The following ENOX1 variants were observed in gnomAD, a reference collection of about 807,000 sequenced individuals.
The protein encoded by ENOX1 is candidate growth-related and time keeping constitutive hydroquinone (NADH) oxidase.
In ENOX1, 42 loss-of-function variants were observed where a neutral mutation model predicts 82.5. The observed-to-expected ratio is 0.51, with a 90% CI of 0.40 to 0.66. The LOEUF (loss-of-function observed/expected upper bound fraction) is 0.66. ENOX1 is among the 30% of genes least tolerant of loss of function. The pLI is 0.00. For missense variants in ENOX1, 608 were observed against 811.6 expected (o/e 0.75, Z 3.05); for synonymous variants, 271 against 282.2 (o/e 0.96, Z 0.40).
chr13:43,666,019 G>A (rs770678890), intron 2 of ENOX1, among the ~76,000 whole-genome samples: 5 of 151,224 alleles, frequency 3.3e-5, no homozygotes, highest in Admixed American at 6.6e-5. Flanking sequence ...TTGCCAGTGC[G>A]TATAAAGTTA....
intron 14 of ENOX1, among the ~76,000 whole-genome samples, chr13:43,237,488 T>C (rs2042605893): frequency 6.6e-6 from 1 of 152,206 alleles, no homozygotes; most frequent in South Asian, 2.1e-4. Flanking sequence ...ATATATGGGA[T>C]AGTAGAATCA....
At chr13:43,612,487 C>T (rs2082238615) in intron 2 of ENOX1, among the ~76,000 whole-genome samples, 1 of 151,820 alleles carries the variant, frequency 6.6e-6, no homozygotes, top group African/African-American at 2.4e-5. Context: ...TTGGTGCCTA[C>T]TTGTCATCAG....
chr13:43,228,562 AC>A (rs1317289742), intron 15 of ENOX1, among the ~76,000 whole-genome samples: 4 of 152,226 alleles, frequency 2.6e-5, no homozygotes, highest in African/African-American at 9.7e-5. Context: ...TAAATTGGCT[AC>A]CCAAAAGCAC....
intron 3 of ENOX1, among the ~76,000 whole-genome samples, chr13:43,417,017 C>A (rs1476494576): frequency 6.6e-6 from 1 of 152,134 alleles, no homozygotes; most frequent in Non-Finnish European, 1.5e-5. Context: ...GAGACCAGCC[C>A]GGTCAACAGG....
rs1566329013 is a variant in ENOX1, at chr13:43,247,854, TATATATATATATATATATATATATATA to T, written c.1612-11143_1612-11117del. 8.8e-3 allele frequency among the ~76,000 whole-genome samples: 41 copies of T among 4,666 alleles called. 3 individuals carry two copies. The highest frequency in any genetic ancestry group is 0.015 in the African/African-American group (38 of 2,502). 3.1% of individuals were successfully genotyped at this position (4,666 alleles called of 152,430 possible). On this transcript the variant is annotated intron_variant, in intron 14 of 16. Transcript: ENST00000690772. ...ATATATATATATATATATATATATA[TATATATATATATATATATATATATATA>T]TATTTTTTTTTTTTTTTTTTTTGAG...
At chr13:43,429,514 G>A (rs1275124977) in intron 3 of ENOX1, among the ~76,000 whole-genome samples, 1 of 152,108 alleles carries the variant, frequency 6.6e-6, no homozygotes, top group African/African-American at 2.4e-5. Context: ...GTGTGTGACT[G>A]GGATTCGGCA....
At chr13:43,526,308 T>C (rs1335139440) in intron 2 of ENOX1, among the ~76,000 whole-genome samples, 1 of 152,108 alleles carries the variant, frequency 6.6e-6, no homozygotes, top group Non-Finnish European at 1.5e-5. Context: ...CTAGTCACTT[T>C]TTCATCATCC....
intron 1 of ENOX1, among the ~76,000 whole-genome samples, chr13:43,716,658 G>C (rs1459797302): frequency 6.6e-6 from 1 of 151,964 alleles, no homozygotes; most frequent in Non-Finnish European, 1.5e-5. Flanking sequence ...AAGGCTCCTG[G>C]AACTGACAAA....
chr13:43,522,288 T>C (rs2077804364), intron 2 of ENOX1, among the ~76,000 whole-genome samples: 1 of 152,174 alleles, frequency 6.6e-6, no homozygotes, highest in Non-Finnish European at 1.5e-5. Context: ...TAAGCTAGTA[T>C]TGGCTTAATG....
chr13:43,629,267 A>G (rs999300688), intron 2 of ENOX1, among the ~76,000 whole-genome samples: 2 of 152,186 alleles, frequency 1.3e-5, no homozygotes, highest in African/African-American at 4.8e-5. Context: ...TTAGTGTCTA[A>G]AAGTGTTCTG....
chr13:43,711,768 G>A (rs2087734924), intron 1 of ENOX1, among the ~76,000 whole-genome samples: 1 of 151,302 alleles, frequency 6.6e-6, no homozygotes, highest in South Asian at 2.1e-4. Context: ...TGATGGGGTT[G>A]TTTGTTTTTT....
At chr13:43,292,913 T>A (rs192279417) in intron 12 of ENOX1, among the ~76,000 whole-genome samples, 54 of 151,402 alleles carry the variant, frequency 3.6e-4, no homozygotes, top group Non-Finnish European at 6.0e-4. Flanking sequence ...ACCATGGCCA[T>A]CACCACAACC....
At chr13:43,345,473 G>T (rs536007491) in intron 8 of ENOX1, among the ~76,000 whole-genome samples, 1 of 149,678 alleles carries the variant, frequency 6.7e-6, no homozygotes. Context: ...ATGGTGTGGC[G>T]GGGGGATAGG....
intron 5 of ENOX1, among the ~76,000 whole-genome samples, chr13:43,399,412 C>T (rs997890413): frequency 5.9e-5 from 9 of 152,178 alleles, no homozygotes; most frequent in African/African-American, 2.2e-4. Flanking sequence ...GTTGTCACTT[C>T]TCCTCCAATA....
chr13:43,714,213 GT>G (rs1213687256), intron 1 of ENOX1, among the ~76,000 whole-genome samples: 1 of 152,114 alleles, frequency 6.6e-6, no homozygotes, highest in African/African-American at 2.4e-5. Context: ...TTTCCATGTA[GT>G]TGAGTGGTTT....
chr13:43,235,721 G>C (rs1185551316), intron 15 of ENOX1, among the ~76,000 whole-genome samples: 4 of 141,938 alleles, frequency 2.8e-5, no homozygotes, highest in African/African-American at 1.1e-4. Context: ...AACAGAGTGA[G>C]ACCCTGTCTC....
intron 2 of ENOX1, among the ~76,000 whole-genome samples, chr13:43,625,433 T>G (rs2082921836): frequency 6.6e-6 from 1 of 152,054 alleles, no homozygotes; most frequent in Non-Finnish European, 1.5e-5. Context: ...GAGAAAGCAT[T>G]CAGCCTTTCA....
intron 2 of ENOX1, among the ~76,000 whole-genome samples, chr13:43,600,964 G>A (rs2081686902): frequency 1.3e-5 from 2 of 152,124 alleles, no homozygotes; most frequent in Admixed American, 1.3e-4. Context: ...GTCACAGCTT[G>A]GGCTTGGGTT....
intron 1 of ENOX1, among the ~76,000 whole-genome samples, chr13:43,672,458 G>C (rs2085313915): frequency 6.6e-6 from 1 of 151,818 alleles, no homozygotes; most frequent in Non-Finnish European, 1.5e-5. Flanking sequence ...ATTTCTTCAG[G>C]TCTTTATGTC....
Sources: gnomAD v4.1 joint callset for allele counts (sites outside exome capture counted in the v4.1 genomes callset) on GRCh38, gnomAD v4.1.1 for gene constraint, MANE v1.5 for transcripts, NCBI Gene and HGNC (gene_info 2026-07-23, HGNC 2026-07-21) for gene names.